The following LRRC18 variants were observed in gnomAD, a reference collection of about 807,000 sequenced individuals.
The protein encoded by LRRC18 is leucine-rich repeat-containing protein 18.
LRRC18 carries 12 observed loss-of-function variants against 11.2 expected under a neutral mutation model. The observed-to-expected ratio is 1.07, with a 90% CI of 0.69 to 1.74. LRRC18 has a LOEUF of 1.74. LRRC18 is among the 40% of genes most tolerant of loss of function. The probability of loss-of-function intolerance (pLI) is 0.00; values close to 1 mark genes in which losing one functional copy is unlikely to be tolerated. For synonymous variants in LRRC18, 155 were observed against 130.6 expected (o/e 1.19, Z -1.27); for missense variants, 374 against 330.5 (o/e 1.13, Z -1.02).
upstream of LRRC18, among the ~76,000 whole-genome samples, chr10:48,914,461 G>GGACA (rs1420981257): frequency 6.6e-6 from 1 of 152,140 alleles, no homozygotes; most frequent in African/African-American, 2.4e-5. Context: ...TCAGCCTGAA[G>GGACA]GACACTAAAT....
exon 1 of LRRC18, chr10:48,914,046 A>G: frequency 6.2e-7 from 1 of 1,614,198 alleles, no homozygotes. Flanking sequence ...GGTAATTCCC[A>G]TCTTGCTCAA....
chr10:48,932,328 A>G, the LRRC18 span, among the ~76,000 whole-genome samples: 1 of 152,248 alleles, frequency 6.6e-6, no homozygotes, highest in Non-Finnish European at 1.5e-5. Flanking sequence ...CAGGAATCTC[A>G]GATGGAGGAG....
At chr10:48,913,269 T>C (rs1377135764) in intron 1 of LRRC18, 123 bp downstream of exon 3, 3 of 899,520 alleles carry the variant, frequency 3.3e-6, no homozygotes, top group Non-Finnish European at 5.1e-6. Context: ...AGGAGTTTTA[T>C]GGGCTTGGCT....
the LRRC18 span, among the ~76,000 whole-genome samples, chr10:48,933,618 A>G: frequency 1.3e-5 from 2 of 152,182 alleles, no homozygotes; most frequent in East Asian, 3.9e-4. Flanking sequence ...CCTGAAAAAG[A>G]AGCATGCATG....
exon 1 of LRRC18, chr10:48,913,786 G>C (rs755492919): frequency 2.5e-6 from 4 of 1,614,092 alleles, no homozygotes; most frequent in Non-Finnish European, 3.4e-6. Flanking sequence ...TTCACAGCGC[G>C]GATGTTCTTG....
At chr10:48,914,910 T>G (rs1838371710), upstream of LRRC18, among the ~76,000 whole-genome samples, 1 of 152,202 alleles carries the variant, frequency 6.6e-6, no homozygotes, top group South Asian at 2.1e-4. Flanking sequence ...GAATGCTGCC[T>G]TTTCCATCTC....
the LRRC18 span, among the ~76,000 whole-genome samples, chr10:48,928,662 A>G: frequency 2.0e-5 from 3 of 152,138 alleles, no homozygotes; most frequent in Non-Finnish European, 4.4e-5. Flanking sequence ...TTCTTTCTGC[A>G]CTTCACACCC....
the LRRC18 span, among the ~76,000 whole-genome samples, chr10:48,939,196 C>CCA: frequency 1.3e-5 from 2 of 152,194 alleles, no homozygotes; most frequent in Non-Finnish European, 2.9e-5. Flanking sequence ...GAAGCAGGCC[C>CCA]CACTCTGCCA....
At chr10:48,925,451 C>T in the LRRC18 span, among the ~76,000 whole-genome samples, 385 of 152,342 alleles carry the variant, frequency 2.5e-3, 2 homozygotes, top group African/African-American at 8.6e-3. Context: ...AGAATTACCC[C>T]TTGTCCAAAG....
the LRRC18 span, among the ~76,000 whole-genome samples, chr10:48,933,236 CT>C: frequency 2.0e-5 from 3 of 152,212 alleles, no homozygotes; most frequent in African/African-American, 7.2e-5. Flanking sequence ...CTAGAGGGGC[CT>C]AGCACTTCCC....
chr10:48,923,113 T>G, the LRRC18 span, among the ~76,000 whole-genome samples: 11 of 152,198 alleles, frequency 7.2e-5, no homozygotes. Flanking sequence ...CCTCTCACTG[T>G]GTCTGCTGGC....
At chr10:48,914,070 T>C (rs1010209483) in exon 1 of LRRC18, 4 of 1,614,202 alleles carry the variant, frequency 2.5e-6, no homozygotes, top group Non-Finnish European at 2.5e-6. Context: ...AAGGCGCTTT[T>C]TCCCATCAAA....
rs1196873713 is a variant in LRRC18 at position 48,910,261 on chromosome 10, G to C, written c.765-3C>G. Reference sequence around the variant, plus strand: ...TCTAGGAAGATGTCAAGCGTATTCTGGGGATGGAGACACAAGAAGGTGAGG... The same window carrying C: ...TCTAGGAAGATGTCAAGCGTATTCTCGGGATGGAGACACAAGAAGGTGAGG... On this transcript the variant is annotated splice_region_variant and splice_polypyrimidine_tract_variant and intron_variant, in intron 1 of 1. Coordinates refer to ENST00000374160, the Ensembl canonical transcript of LRRC18. The C allele has an allele frequency of 3.8e-6, 6 of 1,591,714 alleles. No individual in the cohort carries two copies. Among genetic ancestry groups the C allele is most frequent in the African/African-American group, 1.3e-5 (1 of 74,116 alleles).
chr10:48,939,607 C>T, the LRRC18 span, among the ~76,000 whole-genome samples: 10 of 152,314 alleles, frequency 6.6e-5, no homozygotes, highest in East Asian at 7.7e-4. Flanking sequence ...ATGGATGATG[C>T]GGTTTATTAA....
the LRRC18 span, among the ~76,000 whole-genome samples, chr10:48,925,195 T>A: frequency 2.1e-4 from 32 of 152,326 alleles, no homozygotes; most frequent in African/African-American, 7.2e-4. Context: ...TTACTGGGTG[T>A]GTAACAGGCC....
At chr10:48,921,904 C>G in the LRRC18 span, among the ~76,000 whole-genome samples, 2 of 152,214 alleles carry the variant, frequency 1.3e-5, no homozygotes, top group East Asian at 3.9e-4. Context: ...GAAGACACTT[C>G]GGAAATTTCT....
chr10:48,913,863 A>T, exon 1 of LRRC18: 1 of 1,614,102 alleles, frequency 6.2e-7, no homozygotes, highest in South Asian at 1.1e-5. Flanking sequence ...GAGGTAGAGC[A>T]GGCTGGTCAT....
chr10:48,932,628 T>C, the LRRC18 span: 3 of 142,584 alleles, frequency 2.1e-5, no homozygotes, highest in African/African-American at 5.3e-5. Flanking sequence ...GAAGCTACCA[T>C]GTCAAGAGAG....
Position 48,912,872 on chromosome 10 carries a change from T to A in LRRC18, c.764+520A>T, listed in dbSNP as rs556879062. 6.8e-4 allele frequency among the ~76,000 whole-genome samples: 104 copies of A among 152,376 alleles called. 1 individual carries two copies. The highest frequency in any genetic ancestry group is 3.4e-3 in the Middle Eastern group (1 of 294). ...AGCTATCTGCCTATTGATGCCTTAA[T>A]AATAAAACCTGCCCATTTCTGTGGT... is the stretch of plus-strand genomic sequence containing the variant. On this transcript the variant is annotated intron_variant, in intron 1 of 1. Transcript: ENST00000374160.
Sources: gnomAD v4.1 joint callset for allele counts (sites outside exome capture counted in the v4.1 genomes callset) on GRCh38, gnomAD v4.1.1 for gene constraint, MANE v1.5 for transcripts, NCBI Gene and HGNC (gene_info 2026-07-23, HGNC 2026-07-21) for gene names.